The following UNC119 variants were observed in gnomAD, a reference collection of about 807,000 sequenced individuals.
UNC119 encodes protein unc-119 homolog A.
In UNC119, 15 loss-of-function variants were observed where a neutral mutation model predicts 22.6. The ratio of observed to expected loss-of-function variants is 0.66; its 90% CI spans 0.44 to 1.02. The LOEUF (loss-of-function observed/expected upper bound fraction) is 1.02. Ranked by LOEUF, UNC119 falls within the 50% of genes least tolerant of loss-of-function variation. The probability of loss-of-function intolerance (pLI) is 0.00; values close to 1 mark genes in which losing one functional copy is unlikely to be tolerated. For missense variants in UNC119, 322 were observed against 336.0 expected, an observed-to-expected ratio of 0.96 and a Z score of 0.33; for synonymous variants, 138 against 139.4, an observed-to-expected ratio of 0.99 and a Z score of 0.07.
intron 2 of UNC119, 40 bp from the exon 3 acceptor site, chr17:28,548,141 T>A (rs760800846): frequency 2.9e-5 from 45 of 1,574,500 alleles, no homozygotes; most frequent in Non-Finnish European, 3.9e-5. Context: ...GGCTTCAGGC[T>A]GGGCCCTTGT....
intron 1 of UNC119, chr17:28,551,990 T>A (rs1202498048): frequency 2.0e-6 from 1 of 492,564 alleles, no homozygotes; most frequent in Admixed American, 2.5e-5. Context: ...TCTTCATTAG[T>A]GCAGGGACGG....
rs754505735 is a variant in UNC119 at position 28,547,274 on chromosome 17, C to T, written c.*23G>A. 1.2e-6 allele frequency: 2 copies of T among 1,613,700 alleles called. No individual in the cohort carries two copies. The highest frequency in any genetic ancestry group is 2.2e-5 in the South Asian group (2 of 91,020). On this transcript the variant is annotated 3_prime_UTR_variant, in exon 5 of 5. Transcript: ENST00000335765. ...GCTCCCAGCCCAGAACTGGAGCCTCCTGGGGTCAGGGCAGCCGTGGGGTCA... is the reference window on the plus strand; with the variant it reads ...GCTCCCAGCCCAGAACTGGAGCCTCTTGGGGTCAGGGCAGCCGTGGGGTCA...
In UNC119 at chr17:28,547,369, G is replaced by C; in HGVS notation, c.651C>G (p.Asp217Glu). The C allele has an allele frequency of 6.2e-7, 1 of 1,614,204 alleles. No homozygotes were observed. The highest frequency in any genetic ancestry group is 8.5e-7 in the Non-Finnish European group (1 of 1,180,024). ...GCCGGTCATCCACGAAGTAGAAGCT[G>C]TCAGACTGGGTCTCATACGGGTGGC... is the stretch of plus-strand genomic sequence containing the variant. ...MIRHPYETQSDSFYFVDDRLV... is the reference protein window; with the variant it reads ...MIRHPYETQSESFYFVDDRLV... Residue 217 changes from aspartate to glutamate, a missense_variant, in exon 5 of 5, where the codon GAC (aspartate) becomes GAG (glutamate). Transcript: ENST00000335765.
Position 28,547,216 on chromosome 17 carries a change from T to G in UNC119, c.*81A>C. ...TGGAGAACTCCCCAAGCAGAGGACT[T>G]GGGGTTGAGGGGTGAGCGTTGGGGA... is the stretch of plus-strand genomic sequence containing the variant. On this transcript the variant is annotated 3_prime_UTR_variant, in exon 5 of 5. Transcript: ENST00000335765. 1 of 1,542,164 alleles carries G rather than the reference T, an allele frequency of 6.5e-7. No individual in the cohort carries two copies. The highest frequency in any genetic ancestry group is 8.9e-7 in the Non-Finnish European group (1 of 1,125,232).
Position 28,546,858 on chromosome 17 carries a change from T to C in UNC119, c.*439A>G. ...GGCTAGGCCTAGGGCCCAGACTCCC[T>C]TGGGTGGCTTGGCAGCTGGAGCCCA... On this transcript the variant is annotated 3_prime_UTR_variant, in exon 5 of 5. Transcript: ENST00000335765. 1 of 314,096 alleles carries C rather than the reference T, an allele frequency of 3.2e-6. No individual in the cohort carries two copies. Among genetic ancestry groups the C allele is most frequent in the Non-Finnish European group, 6.3e-6 (1 of 157,774 alleles). 19.5% of individuals were successfully genotyped at this position (314,096 alleles called of 1,614,324 possible).
In UNC119 at chr17:28,548,049, G is replaced by A. The variant is rs564033763; in HGVS notation, c.387C>T (p.Val129=). 1 of 1,613,892 alleles carries A rather than the reference G, an allele frequency of 6.2e-7. No homozygotes were observed. The highest frequency in any genetic ancestry group is 1.3e-5 in the African/African-American group (1 of 75,060). The change falls in exon 3 of 5, where the codon GTC becomes GTT. Residue 129 remains valine, a synonymous_variant. Coordinates refer to ENST00000335765, the MANE Select transcript of UNC119 (RefSeq NM_005148.4). ...GGAAGGCAGGCGTGAACTGGTAGCGGACAAAGCGCCCAGCATTGGGGTCCA... is the reference window on the plus strand; with the variant it reads ...GGAAGGCAGGCGTGAACTGGTAGCGAACAAAGCGCCCAGCATTGGGGTCCA... ...RDLDPNAGRF[V]RYQFTPAFLR... is the part of the protein sequence containing the mutation.
At chr17:28,548,272 G>T in intron 2 of UNC119, 171 bp from the exon 3 acceptor site, 1 of 673,820 alleles carries the variant, frequency 1.5e-6, no homozygotes, top group Non-Finnish European at 2.5e-6. Flanking sequence ...GGGGTTCTAG[G>T]TCTGCATGTT....
At chr17:28,547,448 A>G (rs1423687707) in intron 4 of UNC119, 39 bp from the exon 5 acceptor site, 1 of 1,606,486 alleles carries the variant, frequency 6.2e-7, no homozygotes, top group South Asian at 1.1e-5. Flanking sequence ...AAAGGTCAGG[A>G]GCTTGAGTCC....
intron 1 of UNC119, chr17:28,552,038 T>C (rs2070277111): frequency 1.7e-6 from 1 of 603,356 alleles, no homozygotes; most frequent in Admixed American, 2.2e-5. Flanking sequence ...GCTACAGGGC[T>C]ATGGTTGCAG....
intron 4 of UNC119, 74 bp from the exon 5 acceptor site, chr17:28,547,483 G>A (rs185933407): frequency 1.3e-6 from 2 of 1,599,220 alleles, no homozygotes; most frequent in Non-Finnish European, 1.7e-6. Flanking sequence ...CTTCAGGACT[G>A]GGGTACAGGG....
chr17:28,548,793 T>C, intron 1 of UNC119, 88 bp from the exon 2 acceptor site: 1 of 1,016,642 alleles, frequency 9.8e-7, no homozygotes, highest in Non-Finnish European at 1.5e-6. Context: ...GTAGCTACCA[T>C]CTTCTCATCC....
intron 1 of UNC119, chr17:28,551,690 C>A (rs2070271687): frequency 6.4e-6 from 1 of 155,856 alleles, no homozygotes; most frequent in Non-Finnish European, 1.4e-5. Flanking sequence ...CTCTTAACCA[C>A]AGTGGAGACC....
rs550443043 is a variant in UNC119 at position 28,552,591 on chromosome 17, C to A, written c.-34G>T. Reference sequence around the variant, plus strand: ...GGGGCCGAGGCTCGCCTGCTGCTGCCGCCGCTGCCTGCGCCGGCTGGAGCC... The same window carrying A: ...GGGGCCGAGGCTCGCCTGCTGCTGCAGCCGCTGCCTGCGCCGGCTGGAGCC... On this transcript the variant is annotated 5_prime_UTR_variant, in exon 1 of 5. Coordinates refer to ENST00000335765, the MANE Select transcript of UNC119 (RefSeq NM_005148.4). 57 of 1,478,522 alleles carry A rather than the reference C, an allele frequency of 3.9e-5. No individual in the cohort carries two copies. The highest frequency in any genetic ancestry group is 1.6e-4 in the African/African-American group (11 of 68,182). The allele number at this position is 1,478,522 out of a possible 1,614,324, so 91.6% of individuals were successfully genotyped here. A position where few individuals can be genotyped will look rare whatever the true frequency, so the allele number is the denominator to read the frequency against.
intron 1 of UNC119, chr17:28,549,092 C>T (rs911356567): frequency 5.1e-5 from 10 of 195,854 alleles, no homozygotes; most frequent in Non-Finnish European, 8.7e-5. Flanking sequence ...CTGGTGGGAG[C>T]CTCTCTTCTC....
chr17:28,549,865 G>C (rs184390089), intron 1 of UNC119: 1 of 152,332 alleles, frequency 6.6e-6, no homozygotes, highest in Admixed American at 6.5e-5. Flanking sequence ...TGCAGGGAGG[G>C]ACTCGTGCTG....
At chr17:28,547,582 A>G in intron 4 of UNC119, 95 bp downstream of exon 4, 1 of 1,610,098 alleles carries the variant, frequency 6.2e-7, no homozygotes, top group Non-Finnish European at 8.5e-7. Flanking sequence ...CAGGGTGGGG[A>G]GAAATGGGAT....
At chr17:28,547,971 C>G in intron 3 of UNC119, 28 bp downstream of exon 3, 1 of 1,613,634 alleles carries the variant, frequency 6.2e-7, no homozygotes, top group Non-Finnish European at 8.5e-7. Context: ...CCCTCACCCC[C>G]ACCACCACCC....
chr17:28,551,704 C>T (rs1019569169), intron 1 of UNC119: 1 of 157,042 alleles, frequency 6.4e-6, no homozygotes. Context: ...GGAGACCAAG[C>T]CTCCCTTGAT....
chr17:28,547,232 G>A lies in UNC119; in HGVS notation c.*65C>T. 1 of 1,590,240 alleles carries A rather than the reference G, an allele frequency of 6.3e-7. No homozygotes were observed. Among genetic ancestry groups the A allele is most frequent in the East Asian group, 2.3e-5 (1 of 44,318 alleles). On this transcript the variant is annotated 3_prime_UTR_variant, in exon 5 of 5. Coordinates refer to ENST00000335765, the MANE Select transcript of UNC119 (RefSeq NM_005148.4). ...CAGAGGACTTGGGGTTGAGGGGTGA[G>A]CGTTGGGGAGGTCACAGCTCCCAGC...
Sources: allele counts gnomAD v4.1 joint callset, GRCh38; gene constraint gnomAD v4.1.1; transcripts MANE v1.5; gene names NCBI Gene and HGNC (gene_info 2026-07-23, HGNC 2026-07-21).